PRKAR2A: variants seen among roughly 807,000 people sequenced by gnomAD.
The protein encoded by PRKAR2A is protein kinase cAMP-dependent type II regulatory subunit alpha.
A neutral mutation model predicts 51.9 loss-of-function variants in PRKAR2A; 29 were observed. The ratio of observed to expected loss-of-function variants is 0.56; its 90% CI spans 0.42 to 0.76. PRKAR2A has a LOEUF of 0.76. Among genes scored for constraint, PRKAR2A ranks in the 30% least tolerant of loss-of-function variants. The pLI, the probability that PRKAR2A is intolerant of heterozygous loss-of-function variation, is 0.00. For synonymous variants in PRKAR2A, 178 were observed against 186.2 expected, an observed-to-expected ratio of 0.96 and a Z score of 0.36; for missense variants, 445 against 512.1, an observed-to-expected ratio of 0.87 and a Z score of 1.26.
In PRKAR2A at chr3:48,773,003, C is replaced by T. The variant is rs1455797571; in HGVS notation, c.648G>A (p.Pro216=). 15 of 1,613,592 alleles carry T rather than the reference C, an allele frequency of 9.3e-6. No individual in the cohort carries two copies. The highest frequency in any genetic ancestry group is 3.3e-5 in the Admixed American group (2 of 59,962). The change falls in exon 6 of 11, where the codon CCG becomes CCA. Residue 216 remains proline, a synonymous_variant. Transcript: ENST00000265563. The part of the protein sequence containing the change: ...FGELALMYNT[P]RAATIVATSE... ...AGGTAGCAACAATGGTAGCAGCTCT[C>T]GGGGTGTTGTACATCAGAGCTAGTT...
At chr3:48,791,890 C>T (rs1173242267) in intron 3 of PRKAR2A, among the ~76,000 whole-genome samples, 20 of 81,896 alleles carry the variant, frequency 2.4e-4, no homozygotes, top group African/African-American at 8.1e-4. Flanking sequence ...GCAACAAGAG[C>T]GAAACTCTGT....
At chr3:48,754,790 A>C (rs1426699343) in intron 9 of PRKAR2A, among the ~76,000 whole-genome samples, 3 of 151,244 alleles carry the variant, frequency 2.0e-5, no homozygotes, top group African/African-American at 7.3e-5. Flanking sequence ...AAAAAGAATC[A>C]AGCTACCTTC....
At chr3:48,776,582 T>C (rs1204292425) in intron 5 of PRKAR2A, among the ~76,000 whole-genome samples, 1 of 152,142 alleles carries the variant, frequency 6.6e-6, no homozygotes, top group Admixed American at 6.6e-5. Flanking sequence ...GTGGCTCACC[T>C]GTAGTCCCAG....
chr3:48,772,992 G>A lies in PRKAR2A; in HGVS notation c.659C>T (p.Thr220Ile), dbSNP rs145418127. ...ALMYNTPRAA[T>I]IVATSEGSLW... is the part of the protein sequence containing the mutation. ...GGAGCCTTCTGAGGTAGCAACAATG[G>A]TAGCAGCTCTCGGGGTGTTGTACAT... The change falls in exon 6 of 11, where the codon ACC becomes ATC. Residue 220 changes from threonine (T) to isoleucine (I), a missense_variant. Transcript: ENST00000265563. 2.5e-6 allele frequency: 4 copies of A among 1,613,518 alleles called. No individual in the cohort carries two copies. The highest frequency in any genetic ancestry group is 8.5e-7 in the Non-Finnish European group (1 of 1,179,674).
chr3:48,812,312 C>T (rs2082787732), intron 1 of PRKAR2A, among the ~76,000 whole-genome samples: 1 of 152,014 alleles, frequency 6.6e-6, no homozygotes, highest in Non-Finnish European at 1.5e-5. Flanking sequence ...GGGAGCAAAA[C>T]AAACCATCTG....
chr3:48,837,901 GGGCACGGT>G (rs2083309454), intron 1 of PRKAR2A, among the ~76,000 whole-genome samples: 1 of 152,154 alleles, frequency 6.6e-6, no homozygotes, highest in East Asian at 1.9e-4. Flanking sequence ...CATATTGGCT[GGGCACGGT>G]GGCTAACGCC....
chr3:48,819,662 G>A (rs2082929555), intron 1 of PRKAR2A, among the ~76,000 whole-genome samples: 8 of 152,132 alleles, frequency 5.3e-5, no homozygotes, highest in Admixed American at 5.2e-4. Flanking sequence ...TTTTCCTGTG[G>A]AAGGATCATG....
chr3:48,751,243 C>G lies in PRKAR2A; in HGVS notation c.*342G>C, dbSNP rs1013172279. On this transcript the variant is annotated 3_prime_UTR_variant, in exon 11 of 11. Transcript: ENST00000265563. ...TAACTTCCAAAAGCAAGAGTAGCAG[C>G]AAGAGAGGAAAGGAGCATGTTTATA... The G allele has an allele frequency of 2.1e-6, 1 of 476,728 alleles. No homozygotes were observed. Among genetic ancestry groups the G allele is most frequent in the Non-Finnish European group, 4.1e-6 (1 of 241,038 alleles). The allele number at this position is 476,728 out of a possible 1,614,324, so 29.5% of individuals were successfully genotyped here. A position where few individuals can be genotyped will look rare whatever the true frequency, so the allele number is the denominator to read the frequency against.
rs760694389 is a variant in PRKAR2A at position 48,776,530 on chromosome 3, G to GTA, written c.543-3424_543-3423dup. Among the ~76,000 whole-genome samples, 87 of 151,956 alleles carry GTA rather than the reference G, an allele frequency of 5.7e-4. No individual in the cohort carries two copies. In the South Asian group the frequency reaches 8.5e-3, roughly 15 times the overall value. ...TGGTGGCTCACGCCTGTGTATGTGTGTATATATATATAATAATAATGACAG... is the reference window on the plus strand; with the variant it reads ...TGGTGGCTCACGCCTGTGTATGTGTGTATATATATATATAATAATAATGACAG... On this transcript the variant is annotated intron_variant, in intron 5 of 10. Transcript: ENST00000265563.
At position 48,847,780 on chromosome 3, in the gene PRKAR2A, A is replaced by C; in HGVS notation, c.-184T>G. 1 of 541,160 alleles carries C rather than the reference A, an allele frequency of 1.8e-6. No individual in the cohort carries two copies. Among genetic ancestry groups the C allele is most frequent in the Non-Finnish European group, 2.8e-6 (1 of 354,636 alleles). 33.5% of individuals were successfully genotyped at this position (541,160 alleles called of 1,614,324 possible). ...GCGCAACCCTACGCTACCACGGCCG[A>C]CCTGGCACCGCCGCCGCTGTCACTG... On this transcript the variant is annotated 5_prime_UTR_variant, in exon 1 of 11. Transcript: ENST00000265563. The surrounding 1 kb of genome is among the most constrained non-coding windows in gnomAD (Gnocchi z 4.4).
intron 1 of PRKAR2A, among the ~76,000 whole-genome samples, chr3:48,831,297 G>A (rs1159806160): frequency 6.6e-6 from 1 of 151,476 alleles, no homozygotes; most frequent in African/African-American, 2.4e-5. Flanking sequence ...ACATCATTAT[G>A]CAGTGCAAGA....
In PRKAR2A at chr3:48,756,449, A is replaced by G. The variant is rs2081766768; in HGVS notation, c.874-5T>C. 4.3e-6 allele frequency: 7 copies of G among 1,612,364 alleles called. No homozygotes were observed. The highest frequency in any genetic ancestry group is 5.9e-6 in the Non-Finnish European group (7 of 1,178,590). On this transcript the variant is annotated splice_region_variant and splice_polypyrimidine_tract_variant and intron_variant, in intron 8 of 10. Transcript: ENST00000265563. The stretch of plus-strand genomic sequence containing the variant: ...AAAGCTATCAGCCTTTTCACCCTGA[A>G]AGAAAAGAGAGGTCAGGTCAGAGCC...
chr3:48,758,257 CAAAAAAAA>C (rs1216715073), intron 8 of PRKAR2A, among the ~76,000 whole-genome samples: 1 of 89,166 alleles, frequency 1.1e-5, no homozygotes, highest in Non-Finnish European at 2.3e-5. Flanking sequence ...GACTCCATCT[CAAAAAAAA>C]AAAAGAAAAA....
intron 1 of PRKAR2A, among the ~76,000 whole-genome samples, chr3:48,839,145 G>A (rs150588714): frequency 2.2e-4 from 33 of 151,074 alleles, no homozygotes; most frequent in Admixed American, 5.3e-4. Context: ...AACATTAGCC[G>A]GGCGTGGTGA....
rs865900176 is a variant in PRKAR2A at position 48,805,491 on chromosome 3, C to T, written c.298+2158G>A. On this transcript the variant is annotated intron_variant, in intron 2 of 10. Coordinates refer to ENST00000265563, the MANE Select transcript of PRKAR2A (RefSeq NM_004157.4). The stretch of plus-strand genomic sequence containing the variant: ...GTGCAAGAAAGAATCTTAGAGATAG[C>T]AAGGGTGGTACTTAGGATCCATGCT... Among the ~76,000 whole-genome samples, 107 of 152,290 alleles carry T rather than the reference C, an allele frequency of 7.0e-4. 1 individual carries two copies. The highest frequency in any genetic ancestry group is 3.4e-3 in the Middle Eastern group (1 of 292).
At chr3:48,758,330 G>A (rs532722509) in intron 8 of PRKAR2A, among the ~76,000 whole-genome samples, 10 of 151,454 alleles carry the variant, frequency 6.6e-5, no homozygotes, top group Middle Eastern at 3.4e-3. Context: ...TATAATCCTA[G>A]CACTTTGGGA....
intron 3 of PRKAR2A, among the ~76,000 whole-genome samples, chr3:48,791,308 A>G (rs1030315696): frequency 6.7e-6 from 1 of 149,172 alleles, no homozygotes; most frequent in Non-Finnish European, 1.5e-5. Context: ...AAAAAAAAAA[A>G]AAAAAGGGCT....
Position 48,748,586 on chromosome 3 carries a change from G to A in PRKAR2A, c.*2999C>T, listed in dbSNP as rs1425454960. ...GGCCCATCCCTAGCAGACTGCAGGA[G>A]TGACTCTGGCATAGAATTCATGGCC... On this transcript the variant is annotated 3_prime_UTR_variant, in exon 11 of 11. Transcript: ENST00000265563. The A allele has an allele frequency of 6.6e-6, 1 of 152,256 alleles. No individual in the cohort carries two copies. Among genetic ancestry groups the A allele is most frequent in the Non-Finnish European group, 1.5e-5 (1 of 68,082 alleles). 9.4% of individuals were successfully genotyped at this position (152,256 alleles called of 1,614,324 possible). A position where few individuals can be genotyped will look rare whatever the true frequency, so the allele number is the denominator to read the frequency against.
At chr3:48,833,777 T>G (rs1322414980) in intron 1 of PRKAR2A, among the ~76,000 whole-genome samples, 1 of 150,568 alleles carries the variant, frequency 6.6e-6, no homozygotes, top group Non-Finnish European at 1.5e-5. Flanking sequence ...GGCTCACGCC[T>G]GTATTCCCAG....
Sources: allele counts gnomAD v4.1 joint callset (sites outside exome capture counted in the v4.1 genomes callset), GRCh38; gene constraint gnomAD v4.1.1; non-coding constraint Gnocchi (gnomAD v3.1); transcripts MANE v1.5; gene names NCBI Gene and HGNC (gene_info 2026-07-23, HGNC 2026-07-21).